Variants in TLN2 observed in about 807,000 individuals in gnomAD.
The protein encoded by TLN2 is talin-2.
In TLN2, 118 loss-of-function variants were observed where a neutral mutation model predicts 294.7. The observed-to-expected ratio is 0.40, with a 90% CI of 0.34 to 0.47. The LOEUF is 0.47. Ranked by LOEUF, TLN2 falls within the 20% of genes least tolerant of loss-of-function variation. The probability of loss-of-function intolerance (pLI) is 0.84; values close to 1 mark genes in which losing one functional copy is unlikely to be tolerated. For synonymous variants in TLN2, 1,431 were observed against 1,304.5 expected (o/e 1.10, Z -2.09); for missense variants, 3,083 against 3,282.2 (o/e 0.94, Z 1.48).
chr15:62,758,948 A>G (rs368645850), intron 37 of TLN2, among the ~76,000 whole-genome samples: 62 of 21,402 alleles, frequency 2.9e-3, no homozygotes, highest in African/African-American at 3.5e-3. Context: ...CCCAAAGTCC[A>G]TGAATCTGAC....
chr15:62,479,474 T>C (rs2037963791), intron 1 of TLN2, among the ~76,000 whole-genome samples: 1 of 152,094 alleles, frequency 6.6e-6, no homozygotes, highest in East Asian at 1.9e-4. Flanking sequence ...GACTTCTTTG[T>C]CTTTATTTTT....
chr15:62,542,796 T>C (rs1428162066), intron 1 of TLN2, among the ~76,000 whole-genome samples: 2 of 151,986 alleles, frequency 1.3e-5, no homozygotes, highest in Admixed American at 1.3e-4. Context: ...CAACTCATGG[T>C]GACAAAAACA....
intron 2 of TLN2, among the ~76,000 whole-genome samples, chr15:62,596,157 C>G (rs1596292529): frequency 6.6e-6 from 1 of 150,516 alleles, no homozygotes; most frequent in East Asian, 2.0e-4. Context: ...CCCAGCTACT[C>G]TGGAGGCTGA....
In TLN2 at chr15:62,761,673, C is replaced by G. The variant is rs769517787; in HGVS notation, c.4639-8C>G. The stretch of plus-strand genomic sequence containing the variant: ...ATTGGGCAGAATCTCCCTGTTTTCT[C>G]CCATCAGGCCCTGGATGGGGATTTC... On this transcript the variant is annotated splice_polypyrimidine_tract_variant and splice_region_variant and intron_variant, in intron 37 of 58. Transcript: ENST00000636159. 6.2e-7 allele frequency: 1 copy of G among 1,614,090 alleles called. No individual in the cohort carries two copies. Among genetic ancestry groups the G allele is most frequent in the Non-Finnish European group, 8.5e-7 (1 of 1,179,988 alleles).
Position 62,792,632 on chromosome 15 carries a change from C to A in TLN2, c.5737-9C>A. 1 of 1,612,116 alleles carries A rather than the reference C, an allele frequency of 6.2e-7. No homozygotes were observed. Among genetic ancestry groups the A allele is most frequent in the Non-Finnish European group, 8.5e-7 (1 of 1,179,434 alleles). On this transcript the variant is annotated splice_polypyrimidine_tract_variant and intron_variant, in intron 45 of 58. Transcript: ENST00000636159. ...CTTCTCCTTCCCCATCCTGGGCTTG[C>A]CTCTGCAGATCGGATTCCAGATTCG...
At chr15:62,446,445 C>CT (rs2035827806) in intron 1 of TLN2, among the ~76,000 whole-genome samples, 1 of 152,180 alleles carries the variant, frequency 6.6e-6, no homozygotes, top group Admixed American at 6.5e-5. Flanking sequence ...GATCACTAGA[C>CT]TACCTTAGAT....
chr15:62,709,382 C>G (rs2059277269), intron 21 of TLN2, among the ~76,000 whole-genome samples: 1 of 152,142 alleles, frequency 6.6e-6, no homozygotes, highest in African/African-American at 2.4e-5. Context: ...GTACCTGGCC[C>G]TGGGGTGATC....
chr15:62,560,681 T>C (rs13329290), intron 1 of TLN2, among the ~76,000 whole-genome samples: 1,622 of 152,360 alleles, frequency 0.011, 27 homozygotes, highest in African/African-American at 0.037. Flanking sequence ...TGGTTAAGAA[T>C]TACCAGGCAT....
chr15:62,436,732 A>AT (rs918442654), intron 1 of TLN2, among the ~76,000 whole-genome samples: 4 of 151,756 alleles, frequency 2.6e-5, no homozygotes, highest in African/African-American at 9.7e-5. Flanking sequence ...TTATTTATTT[A>AT]TTTTTTTTAG....
chr15:62,803,925 T>A (rs1055351442), intron 50 of TLN2, among the ~76,000 whole-genome samples: 2 of 152,202 alleles, frequency 1.3e-5, no homozygotes, highest in African/African-American at 4.8e-5. Flanking sequence ...TGTGCCTGTC[T>A]TTCTTGGGAA....
intron 58 of TLN2, among the ~76,000 whole-genome samples, chr15:62,839,599 G>A (rs1450069802): frequency 1.3e-5 from 2 of 152,218 alleles, no homozygotes; most frequent in Non-Finnish European, 2.9e-5. Context: ...GCTCTAGGAA[G>A]TCAGGCTTAA....
chr15:62,654,754 C>CAAAA lies in TLN2; in HGVS notation c.518-1165_518-1162dup, dbSNP rs59006343. 6.2e-4 allele frequency among the ~76,000 whole-genome samples: 21 copies of CAAAA among 33,858 alleles called. 2 individuals are homozygous for CAAAA. Among genetic ancestry groups the CAAAA allele is most frequent in the African/African-American group, 1.7e-3 (14 of 8,444 alleles). 22.2% of individuals were successfully genotyped at this position (33,858 alleles called of 152,430 possible). A position where few individuals can be genotyped will look rare whatever the true frequency, so the allele number is the denominator to read the frequency against. On this transcript the variant is annotated intron_variant, in intron 7 of 58. Transcript: ENST00000636159. Reference sequence around the variant, plus strand: ...TGGGTGACAGAGCGTGACTCTGCCTCAAAAAAAAAAAAAAAAAAAAAAAAA... The same window carrying CAAAA: ...TGGGTGACAGAGCGTGACTCTGCCTCAAAAAAAAAAAAAAAAAAAAAAAAAAAAA...
chr15:62,505,168 A>C (rs2039545332), intron 1 of TLN2, among the ~76,000 whole-genome samples: 1 of 152,058 alleles, frequency 6.6e-6, no homozygotes, highest in Non-Finnish European at 1.5e-5. Flanking sequence ...CATGTTGGCC[A>C]GGCCAGTCTC....
rs372468904 is a variant in TLN2 at position 62,809,966 on chromosome 15, C to T, written c.6705C>T (p.Thr2235=). The part of the protein sequence containing the change: ...FHPDVSDEVR[T]RALRFGTECT... ...CCGATGTCAGTGACGAGGTGAGAACCAGAGCCTTGCGTTTCGGGACGGAGT... is the reference window on the plus strand; with the variant it reads ...CCGATGTCAGTGACGAGGTGAGAACTAGAGCCTTGCGTTTCGGGACGGAGT... Residue 2235 remains threonine, a synonymous_variant, in exon 52 of 59, where the codon ACC becomes ACT. Coordinates refer to ENST00000636159, the MANE Select transcript of TLN2 (RefSeq NM_015059.3). 6.2e-7 allele frequency: 1 copy of T among 1,614,008 alleles called. No individual in the cohort carries two copies. Among genetic ancestry groups the T allele is most frequent in the African/African-American group, 1.3e-5 (1 of 74,890 alleles).
intron 43 of TLN2, among the ~76,000 whole-genome samples, 165 bp from the exon 44 acceptor site, chr15:62,780,975 C>T (rs1462571923): frequency 6.6e-6 from 1 of 152,160 alleles, no homozygotes; most frequent in African/African-American, 2.4e-5. Flanking sequence ...CCTTATGTGC[C>T]CTTCTGTTGA....
chr15:62,565,081 A>G (rs2043287930), intron 1 of TLN2, among the ~76,000 whole-genome samples: 1 of 152,050 alleles, frequency 6.6e-6, no homozygotes, highest in Non-Finnish European at 1.5e-5. Flanking sequence ...GAGACTCACC[A>G]GCAGCAAACC....
rs571991285 is a variant in TLN2, at chr15:62,799,195, C to T, written c.6235-1173C>T. Among the ~76,000 whole-genome samples the T allele has an allele frequency of 1.1e-4, 17 of 152,312 alleles. 1 individual carries two copies. The South Asian group carries it at 3.1e-3, about 28-fold the overall frequency. On this transcript the variant is annotated intron_variant, in intron 48 of 58. Coordinates refer to ENST00000636159, the MANE Select transcript of TLN2 (RefSeq NM_015059.3). ...ATGCTCACCAGACTCTGAATCCCAACTCTGCCACTGCTGGGCTCTGGGAGT... is the reference window on the plus strand; with the variant it reads ...ATGCTCACCAGACTCTGAATCCCAATTCTGCCACTGCTGGGCTCTGGGAGT...
At chr15:62,602,496 T>G (rs2047083400) in intron 2 of TLN2, among the ~76,000 whole-genome samples, 1 of 152,246 alleles carries the variant, frequency 6.6e-6, no homozygotes, top group Admixed American at 6.5e-5. Flanking sequence ...GTCTCATCTA[T>G]GAAATCTTAC....
At chr15:62,805,533 GAGA>G in intron 50 of TLN2, 64 bp from the exon 51 acceptor site, 2 of 1,468,476 alleles carry the variant, frequency 1.4e-6, no homozygotes, top group Non-Finnish European at 1.8e-6. Context: ...AGCCTGGTTG[GAGA>G]AGAATAAATT....
Sources: allele counts gnomAD v4.1 joint callset (sites outside exome capture counted in the v4.1 genomes callset), GRCh38; gene constraint gnomAD v4.1.1; transcripts MANE v1.5; gene names NCBI Gene and HGNC (gene_info 2026-07-23, HGNC 2026-07-21).